LNPK: variants seen among roughly 807,000 people sequenced by gnomAD.
The protein encoded by LNPK is endoplasmic reticulum junction formation protein lunapark.
In LNPK, 29 loss-of-function variants were observed where a neutral mutation model predicts 55.2. That is an observed-to-expected ratio of 0.53 (90% CI 0.39 to 0.72). LNPK has a LOEUF of 0.72. LNPK is among the 30% of genes least tolerant of loss of function. The pLI, the probability that LNPK is intolerant of heterozygous loss-of-function variation, is 0.00. For missense variants in LNPK, 467 were observed against 494.8 expected (o/e 0.94, Z 0.53); for synonymous variants, 162 against 168.2 (o/e 0.96, Z 0.29).
intron 6 of LNPK, 120 bp from the exon 7 acceptor site, chr2:175,964,709 T>A (rs1361646784): frequency 1.6e-6 from 1 of 626,674 alleles, no homozygotes; most frequent in African/African-American, 1.8e-5. Flanking sequence ...AAAGACTTCC[T>A]ACATTCGAAT....
In LNPK at chr2:175,930,118, A is replaced by C. The variant is rs138584031; in HGVS notation, c.1136T>G (p.Val379Gly). ...CTCTGAGTCAGATGCTTTTTCAATCACTTGGTTTGTCTGTTCTGTAGCTGG... is the reference window on the plus strand; with the variant it reads ...CTCTGAGTCAGATGCTTTTTCAATCCCTTGGTTTGTCTGTTCTGTAGCTGG... Reference protein sequence around the residue: ...KIPATEQTNQVIEKASDSEEP... With the variant: ...KIPATEQTNQGIEKASDSEEP... Residue 379 changes from valine (V) to glycine (G), a missense_variant, in exon 13 of 13, where the codon GTG (valine) becomes GGG (glycine). Physicochemically the swap from Val to Gly is moderately radical, Grantham distance 109. Coordinates refer to ENST00000272748, the MANE Select transcript of LNPK (RefSeq NM_030650.3). 885 of 1,613,802 alleles carry C rather than the reference A, an allele frequency of 5.5e-4. 6 individuals are homozygous for C. The African/African-American group carries it at 8.1e-3, about 15-fold the overall frequency.
At chr2:175,933,387 G>C (rs1479686258) in intron 12 of LNPK, among the ~76,000 whole-genome samples, 1 of 151,978 alleles carries the variant, frequency 6.6e-6, no homozygotes, top group Non-Finnish European at 1.5e-5. Context: ...TAATAGTCTA[G>C]CAAAACAACT....
At chr2:175,994,922 T>TAC (rs1245622196) in intron 2 of LNPK, among the ~76,000 whole-genome samples, 147 of 143,558 alleles carry the variant, frequency 1.0e-3, no homozygotes, top group African/African-American at 3.4e-3. Context: ...GAATTTTTTT[T>TAC]TTTTTTTTTT....
intron 1 of LNPK, among the ~76,000 whole-genome samples, chr2:176,000,918 A>T (rs897022458): frequency 1.3e-5 from 2 of 152,152 alleles, no homozygotes; most frequent in Non-Finnish European, 2.9e-5. Flanking sequence ...TTTCATGGTA[A>T]GTCAATTTTC....
chr2:175,954,644 A>G lies in LNPK; in HGVS notation c.494-6952T>C, dbSNP rs189914494. Among the ~76,000 whole-genome samples the G allele has an allele frequency of 3.9e-5, 6 of 152,312 alleles. No individual in the cohort carries two copies. The East Asian group carries it at 7.7e-4, about 20-fold the overall frequency. On this transcript the variant is annotated intron_variant, in intron 8 of 12. Transcript: ENST00000272748. The stretch of plus-strand genomic sequence containing the variant: ...ACATTTACTTTCCTTTATCACCTTA[A>G]TAATTTATTTTTGATCTGGCCTAAC...
chr2:175,952,677 T>C (rs900533901), intron 8 of LNPK, among the ~76,000 whole-genome samples: 8 of 151,774 alleles, frequency 5.3e-5, no homozygotes, highest in African/African-American at 1.5e-4. Flanking sequence ...TTCCTTCCTA[T>C]AGAGGCAAAG....
chr2:175,930,260 C>A, intron 12 of LNPK, 61 bp from the exon 13 acceptor site: 1 of 1,205,548 alleles, frequency 8.3e-7, no homozygotes, highest in Non-Finnish European at 1.2e-6. Context: ...CTAAATAAGG[C>A]AAGCAAAAAA....
intron 1 of LNPK, among the ~76,000 whole-genome samples, chr2:176,001,098 G>A (rs1688143529): frequency 6.6e-6 from 1 of 152,062 alleles, no homozygotes; most frequent in Admixed American, 6.5e-5. Flanking sequence ...GATCTCAATA[G>A]ATAACAGACA....
Position 175,930,023 on chromosome 2 carries a change from C to T in LNPK, c.1231G>A (p.Gly411Arg), listed in dbSNP as rs748712352. Reference sequence around the variant, plus strand: ...TCAGGATCAGGAATAGAATCAGCTCCAGGAACTGTGGAGTTGGTTTCAATC... The same window carrying T: ...TCAGGATCAGGAATAGAATCAGCTCTAGGAACTGTGGAGTTGGTTTCAATC... ...SVIETNSTVP[G>R]ADSIPDPELS... Residue 411 changes from glycine (G) to arginine (R), a missense_variant, in exon 13 of 13, where the codon GGA becomes AGA. Physicochemically the swap from Gly to Arg is moderately radical, Grantham distance 125 (BLOSUM62 -2). Coordinates refer to ENST00000272748, the MANE Select transcript of LNPK (RefSeq NM_030650.3). The T allele has an allele frequency of 4.3e-6, 7 of 1,614,054 alleles. No individual in the cohort carries two copies. The South Asian group carries it at 7.7e-5, about 18-fold the overall frequency.
At chr2:175,956,853 C>A (rs1240456538) in intron 8 of LNPK, among the ~76,000 whole-genome samples, 1 of 152,072 alleles carries the variant, frequency 6.6e-6, no homozygotes, top group African/African-American at 2.4e-5. Context: ...GAGGCAAAAC[C>A]CCAACCCTGC....
At chr2:175,932,169 C>T (rs1178433123) in intron 12 of LNPK, 1 of 455,322 alleles carries the variant, frequency 2.2e-6, no homozygotes, top group South Asian at 1.6e-5. Flanking sequence ...TGTACTGAAA[C>T]AGGAGAGGTA....
Position 175,938,397 on chromosome 2 carries a change from A to G in LNPK, c.813-14T>C. ...ATAAGTGCATACCTACACCGTAAGG[A>G]AAAATGAACAGACCAGTTACAAATG... On this transcript the variant is annotated splice_polypyrimidine_tract_variant and intron_variant, in intron 10 of 12. Transcript: ENST00000272748. The G allele has an allele frequency of 6.7e-7, 1 of 1,483,442 alleles. No individual in the cohort carries two copies. The highest frequency in any genetic ancestry group is 2.3e-5 in the East Asian group (1 of 43,542). The allele number at this position is 1,483,442 out of a possible 1,614,324, so 91.9% of individuals were successfully genotyped here.
chr2:175,946,947 G>C (rs555918650), intron 9 of LNPK, among the ~76,000 whole-genome samples: 58 of 151,668 alleles, frequency 3.8e-4, no homozygotes, highest in Non-Finnish European at 7.2e-4. Context: ...GAAATAAAGA[G>C]AATATGTTCA....
At position 175,981,234 on chromosome 2, in the gene LNPK, G is replaced by T. The variant is rs1687160432; in HGVS notation, c.258-1366C>A. Among the ~76,000 whole-genome samples, 3 of 152,138 alleles carry T rather than the reference G, an allele frequency of 2.0e-5. No individual in the cohort carries two copies. The South Asian group carries it at 6.2e-4, about 32-fold the overall frequency. On this transcript the variant is annotated intron_variant, in intron 4 of 12. Coordinates refer to ENST00000272748, the MANE Select transcript of LNPK (RefSeq NM_030650.3). ...TAAAGGACTGCAGCTTCCATTTTGG[G>T]CCTCCTCTTTCACTTGTCTTTCTCT...
At chr2:175,976,889 A>G (rs1176115700) in intron 5 of LNPK, among the ~76,000 whole-genome samples, 1 of 152,202 alleles carries the variant, frequency 6.6e-6, no homozygotes, top group Non-Finnish European at 1.5e-5. Flanking sequence ...CCATAATTGC[A>G]TGAGCCAATT....
At chr2:175,940,852 C>A in intron 9 of LNPK, 3 of 312,330 alleles carry the variant, frequency 9.6e-6, no homozygotes, top group Admixed American at 4.6e-5. Context: ...CAGATAAAAA[C>A]TACAATGTCT....
At chr2:175,930,380 C>A (rs945077913) in intron 12 of LNPK, among the ~76,000 whole-genome samples, 181 bp from the exon 13 acceptor site, 2 of 151,402 alleles carry the variant, frequency 1.3e-5, no homozygotes, top group African/African-American at 4.9e-5. Context: ...ACATAACTCT[C>A]TTTACAGTTA....
chr2:175,993,330 T>C (rs1687784245), intron 2 of LNPK, 107 bp from the exon 3 acceptor site: 2 of 593,738 alleles, frequency 3.4e-6, no homozygotes, highest in East Asian at 3.4e-5. Context: ...TTTTCTCAAA[T>C]CTTGTCAAAT....
At chr2:175,933,043 A>G (rs1684355248) in intron 12 of LNPK, among the ~76,000 whole-genome samples, 1 of 152,186 alleles carries the variant, frequency 6.6e-6, no homozygotes, top group African/African-American at 2.4e-5. Context: ...CGACTCTGGC[A>G]TCTATAATGT....
Sources: gnomAD v4.1 joint callset for allele counts (sites outside exome capture counted in the v4.1 genomes callset) on GRCh38, gnomAD v4.1.1 for gene constraint, MANE v1.5 for transcripts, NCBI Gene and HGNC (gene_info 2026-07-23, HGNC 2026-07-21) for gene names.